RARB: variants seen among roughly 807,000 people sequenced by gnomAD.
RARB encodes HBV-activated protein.
In RARB, 17 loss-of-function variants were observed where a neutral mutation model predicts 51.9. The ratio of observed to expected loss-of-function variants is 0.33; its 90% confidence interval spans 0.22 to 0.49. The LOEUF (loss-of-function observed/expected upper bound fraction) is 0.49. Among genes scored for constraint, RARB ranks in the 20% least tolerant of loss-of-function variants. The probability of loss-of-function intolerance (pLI) is 0.99; values close to 1 mark genes in which losing one functional copy is unlikely to be tolerated. For synonymous variants in RARB, 215 were observed against 195.4 expected, an observed-to-expected ratio of 1.10 and a Z score of -0.84; for missense variants, 369 against 550.8, an observed-to-expected ratio of 0.67 and a Z score of 3.30.
intron 2 of RARB, among the ~76,000 whole-genome samples, chr3:24,975,673 G>A (rs1394222448): frequency 6.6e-6 from 1 of 152,126 alleles, no homozygotes; most frequent in Non-Finnish European, 1.5e-5. Flanking sequence ...TTTATTTGGA[G>A]GGTAAGTTAA....
Position 25,266,746 on chromosome 3 carries a change from C to G in RARB, c.178+92171C>G, listed in dbSNP as rs551565862. ...GAGACTTATCTGATAGAACTGGTGT[C>G]CTTTTAAAAGAGACAGAGACACCAG... On this transcript the variant is annotated intron_variant, in intron 5 of 11. Transcript: ENST00000383772. Among the ~76,000 whole-genome samples, 6 of 152,250 alleles carry G rather than the reference C, an allele frequency of 3.9e-5. No homozygotes were observed. The South Asian group carries it at 1.2e-3, about 32-fold the overall frequency.
At chr3:24,963,686 A>G (rs1559413686) in intron 2 of RARB, among the ~76,000 whole-genome samples, 2 of 151,866 alleles carry the variant, frequency 1.3e-5, no homozygotes, top group Admixed American at 1.3e-4. Context: ...GTGGAGAGGA[A>G]CAAGGCAGTG....
At chr3:25,353,403 A>G (rs1282980086) in intron 5 of RARB, among the ~76,000 whole-genome samples, 4 of 152,174 alleles carry the variant, frequency 2.6e-5, no homozygotes, top group Non-Finnish European at 5.9e-5. Flanking sequence ...AATGACAAAC[A>G]TTACACTGGA....
chr3:25,408,982 C>T (rs533792194), intron 5 of RARB, among the ~76,000 whole-genome samples: 23 of 152,172 alleles, frequency 1.5e-4, no homozygotes, highest in African/African-American at 5.3e-4. Context: ...TGCAGTGAGC[C>T]GAGATTGCGC....
chr3:24,939,905 A>G (rs1403860814), intron 2 of RARB, among the ~76,000 whole-genome samples: 2 of 152,230 alleles, frequency 1.3e-5, no homozygotes, highest in East Asian at 1.9e-4. Flanking sequence ...TCTCAATACA[A>G]TCTATATACA....
intron 2 of RARB, among the ~76,000 whole-genome samples, chr3:24,902,353 A>G (rs1206986379): frequency 6.6e-6 from 1 of 152,208 alleles, no homozygotes; most frequent in Non-Finnish European, 1.5e-5. Context: ...TTAAATTTCC[A>G]GGGAATCACC....
At chr3:25,006,650 A>G (rs1019207897) in intron 2 of RARB, among the ~76,000 whole-genome samples, 1 of 152,140 alleles carries the variant, frequency 6.6e-6, no homozygotes, top group African/African-American at 2.4e-5. Flanking sequence ...GTGTTTGGTT[A>G]CTTCTGATTT....
At chr3:25,337,738 T>G (rs574087030) in intron 5 of RARB, among the ~76,000 whole-genome samples, 4 of 152,190 alleles carry the variant, frequency 2.6e-5, no homozygotes, top group African/African-American at 4.8e-5. Flanking sequence ...CTTTATTTTT[T>G]TGTGTGCAGC....
intron 5 of RARB, among the ~76,000 whole-genome samples, chr3:25,186,940 T>TG (rs1553641069): frequency 4.0e-5 from 6 of 148,576 alleles, no homozygotes; most frequent in Admixed American, 2.7e-4. Context: ...TGTGTGTGTG[T>TG]TTTCCTGCTA....
intron 2 of RARB, among the ~76,000 whole-genome samples, chr3:24,901,100 T>C (rs1559388408): frequency 6.6e-6 from 1 of 152,094 alleles, no homozygotes; most frequent in African/African-American, 2.4e-5. Flanking sequence ...TTGGAATAAA[T>C]TGGATAAAAA....
At chr3:25,168,880 C>T (rs1700599579) in intron 4 of RARB, among the ~76,000 whole-genome samples, 1 of 152,090 alleles carries the variant, frequency 6.6e-6, no homozygotes, top group Non-Finnish European at 1.5e-5. Context: ...AGATTGAATG[C>T]ATTTACTAAG....
At chr3:24,842,312 G>A (rs956599516) in intron 1 of RARB, among the ~76,000 whole-genome samples, 3 of 151,938 alleles carry the variant, frequency 2.0e-5, no homozygotes, top group Non-Finnish European at 4.4e-5. Context: ...CTTCAAAATG[G>A]AATTATTTTA....
At chr3:24,975,812 C>T (rs1696498770) in intron 2 of RARB, among the ~76,000 whole-genome samples, 1 of 151,976 alleles carries the variant, frequency 6.6e-6, no homozygotes, top group Admixed American at 6.6e-5. Flanking sequence ...GGTACACGTG[C>T]ACAACGTGCA....
intron 2 of RARB, among the ~76,000 whole-genome samples, chr3:24,952,284 T>A (rs965727989): frequency 1.3e-5 from 2 of 152,136 alleles, no homozygotes; most frequent in Non-Finnish European, 2.9e-5. Flanking sequence ...AATTAATGAT[T>A]AGTGAGATGT....
chr3:25,063,173 G>T (rs891742443), intron 3 of RARB, among the ~76,000 whole-genome samples: 6 of 151,928 alleles, frequency 3.9e-5, no homozygotes, highest in Non-Finnish European at 8.8e-5. Flanking sequence ...GTTTTCCCCA[G>T]CAAATACAAT....
intron 5 of RARB, among the ~76,000 whole-genome samples, chr3:25,204,294 C>T (rs1701472595): frequency 6.6e-6 from 1 of 152,166 alleles, no homozygotes; most frequent in African/African-American, 2.4e-5. Context: ...TTAAGGACTT[C>T]TCTGCATTGA....
intron 5 of RARB, among the ~76,000 whole-genome samples, chr3:25,185,593 C>T (rs1700956564): frequency 6.6e-6 from 1 of 152,048 alleles, no homozygotes; most frequent in Non-Finnish European, 1.5e-5. Flanking sequence ...TTAAAAAGAA[C>T]TCTACACTTA....
chr3:25,357,022 A>T (rs7637182), intron 5 of RARB, among the ~76,000 whole-genome samples: 19,968 of 152,156 alleles, frequency 0.13, 1,484 homozygotes, highest in South Asian at 0.22. Flanking sequence ...TCCTTTGGGT[A>T]TATACCTACT....
At chr3:24,929,439 C>T (rs1018184522) in intron 2 of RARB, among the ~76,000 whole-genome samples, 1 of 152,046 alleles carries the variant, frequency 6.6e-6, no homozygotes, top group African/African-American at 2.4e-5. Context: ...GAAAAATGTT[C>T]TGAGCTGTAG....
Sources: gnomAD v4.1 joint callset for allele counts (sites outside exome capture counted in the v4.1 genomes callset) on GRCh38, gnomAD v4.1.1 for gene constraint, MANE v1.5 for transcripts, NCBI Gene and HGNC (gene_info 2026-07-23, HGNC 2026-07-21) for gene names.